DBH: variants seen among roughly 807,000 people sequenced by gnomAD.
DBH encodes the protein dopamine beta-hydroxylase.
Under a neutral mutation model 64.0 loss-of-function variants are expected in DBH, and 49 were observed. The observed-to-expected ratio is 0.77, with a 90% CI of 0.61 to 0.97. DBH has a LOEUF of 0.97. Ranked by LOEUF, DBH falls within the 50% of genes least tolerant of loss-of-function variation. The pLI is 0.00. For missense variants in DBH, 828 were observed against 826.6 expected (o/e 1.00, Z -0.02); for synonymous variants, 343 against 347.1 (o/e 0.99, Z 0.13).
chr9:133,644,150 T>G, intron 4 of DBH, 68 bp from the exon 5 acceptor site: 1 of 1,199,134 alleles, frequency 8.3e-7, no homozygotes. Flanking sequence ...GTTGACTGGG[T>G]TTGCCCCTGC....
chr9:133,656,520 C>T lies in DBH; in HGVS notation c.1435-3C>T, dbSNP rs1375291286. The T allele has an allele frequency of 3.1e-6, 5 of 1,613,686 alleles. No homozygotes were observed. Among genetic ancestry groups the T allele is most frequent in the Non-Finnish European group, 4.2e-6 (5 of 1,179,990 alleles). ...GGGCTGACGGGTCTCCTCCAACTTG[C>T]AGGGGGGCTTCGGGATCCTGGAGGA... On this transcript the variant is annotated splice_polypyrimidine_tract_variant and splice_region_variant and intron_variant, in intron 9 of 11. Transcript: ENST00000393056.
chr9:133,637,132 C>T (rs761281278), intron 1 of DBH, among the ~76,000 whole-genome samples: 17 of 152,314 alleles, frequency 1.1e-4, no homozygotes, highest in Non-Finnish European at 8.8e-5. Context: ...GGTGGTGGCG[C>T]GTGGCTGGGC....
intron 5 of DBH, among the ~76,000 whole-genome samples, chr9:133,644,545 C>T (rs531733101): frequency 6.6e-6 from 1 of 152,356 alleles, no homozygotes; most frequent in African/African-American, 2.4e-5. Context: ...TTCGCCAGGG[C>T]CCAGCAGTGG....
intron 1 of DBH, among the ~76,000 whole-genome samples, chr9:133,638,702 A>T (rs1359759326): frequency 6.6e-6 from 1 of 152,202 alleles, no homozygotes; most frequent in African/African-American, 2.4e-5. Context: ...ACACGTGTGA[A>T]TGTTGGAGGG....
intron 9 of DBH, 61 bp from the exon 10 acceptor site, chr9:133,656,462 T>A (rs1832320454): frequency 6.2e-7 from 1 of 1,611,658 alleles, no homozygotes; most frequent in African/African-American, 1.3e-5. Context: ...CGGCGAAAGC[T>A]GCTGGATGGC....
chr9:133,658,443 G>A lies in DBH; in HGVS notation c.1850G>A (p.Gly617Asp). ...PTVVSIGGGKG is the reference protein window; with the variant it reads ...PTVVSIGGGKD ...GTTGTCAGCATTGGTGGGGGCAAAG[G>A]CTGAGGGGGGACCTACTCCTCCCCC... Residue 617 changes from glycine to aspartate, a missense_variant, in exon 12 of 12, where the codon GGC becomes GAC. Coordinates refer to ENST00000393056, the MANE Select transcript of DBH (RefSeq NM_000787.4). 2 of 1,607,492 alleles carry A rather than the reference G, an allele frequency of 1.2e-6. No individual in the cohort carries two copies. The highest frequency in any genetic ancestry group is 1.7e-6 in the Non-Finnish European group (2 of 1,175,850).
intron 4 of DBH, 70 bp from the exon 5 acceptor site, chr9:133,644,148 G>A: frequency 8.6e-7 from 1 of 1,166,226 alleles, no homozygotes; most frequent in Non-Finnish European, 1.3e-6. Flanking sequence ...CAGTTGACTG[G>A]GTTTGCCCCT....
intron 5 of DBH, among the ~76,000 whole-genome samples, chr9:133,646,929 G>A (rs1255579782): frequency 6.6e-6 from 1 of 152,162 alleles, no homozygotes; most frequent in African/African-American, 2.4e-5. Context: ...AACAGGTGTG[G>A]CCACACCATA....
At chr9:133,654,129 T>TTTA (rs1162131142) in intron 9 of DBH, among the ~76,000 whole-genome samples, 76 of 152,256 alleles carry the variant, frequency 5.0e-4, no homozygotes, top group African/African-American at 1.8e-3. Context: ...TTTTATTTTT[T>TTTA]TTTGAGACGG....
intron 1 of DBH, among the ~76,000 whole-genome samples, chr9:133,638,117 A>AAG (rs1228345836): frequency 1.1e-4 from 17 of 152,350 alleles, no homozygotes; most frequent in African/African-American, 4.1e-4. Context: ...AAGCCAGGTG[A>AAG]CTTTGCCTTT....
At position 133,644,258 on chromosome 9, in the gene DBH, G is replaced by A. The variant is rs756772568; in HGVS notation, c.962G>A (p.Gly321Asp). ...GAGGAAGCCGGCCTTGCCTTCGGGG[G>A]TCCAGGGTCCTCCAGATATCTCCGC... ...YPEEAGLAFGGPGSSRYLRLE... is the reference protein window; with the variant it reads ...YPEEAGLAFGDPGSSRYLRLE... Residue 321 changes from glycine to aspartate, a missense_variant, in exon 5 of 12, where the codon GGT becomes GAT. Physicochemically the swap from Gly to Asp is moderately conservative, Grantham distance 94. Transcript: ENST00000393056. 8.7e-6 allele frequency: 14 copies of A among 1,614,084 alleles called. No homozygotes were observed. Among genetic ancestry groups the A allele is most frequent in the African/African-American group, 2.7e-5 (2 of 74,932 alleles).
At position 133,657,450 on chromosome 9, in the gene DBH, AGGAGAGAG is replaced by A. The variant is rs1412722916; in HGVS notation, c.1722+228_1722+235del. The A allele has an allele frequency of 9.3e-3, 848 of 91,558 alleles. 13 individuals carry two copies. The highest frequency in any genetic ancestry group is 0.088 in the African/African-American group (732 of 8,272). 5.7% of individuals were successfully genotyped at this position (91,558 alleles called of 1,614,324 possible). A position where few individuals can be genotyped will look rare whatever the true frequency, so the allele number is the denominator to read the frequency against. ...GAGAGAGAGGAGAGAGAGGAGAGAGAGGAGAGAGGGAGAGGGAGAGAGGGAGAGGGAGA... is the reference window on the plus strand; with the variant it reads ...GAGAGAGAGGAGAGAGAGGAGAGAGAGGAGAGGGAGAGAGGGAGAGGGAGA... On this transcript the variant is annotated intron_variant, in intron 11 of 11. Coordinates refer to ENST00000393056, the MANE Select transcript of DBH (RefSeq NM_000787.4).
chr9:133,650,794 T>G (rs1832239919), intron 6 of DBH, among the ~76,000 whole-genome samples: 1 of 152,174 alleles, frequency 6.6e-6, no homozygotes, highest in South Asian at 2.1e-4. Flanking sequence ...ATGATCCATG[T>G]GCCTCAGCCT....
intron 9 of DBH, 49 bp from the exon 10 acceptor site, chr9:133,656,474 G>A: frequency 6.2e-7 from 1 of 1,612,552 alleles, no homozygotes; most frequent in East Asian, 2.2e-5. Context: ...CTGGATGGCA[G>A]CGTCTGCGTG....
chr9:133,637,154 C>T (rs1251023417), intron 1 of DBH, among the ~76,000 whole-genome samples: 1 of 152,218 alleles, frequency 6.6e-6, no homozygotes, highest in Non-Finnish European at 1.5e-5. Context: ...CAGCATGAGG[C>T]CTGCACACCC....
At position 133,656,525 on chromosome 9, in the gene DBH, G is replaced by C. The variant is rs780698955; in HGVS notation, c.1437G>C (p.Gly479=). The C allele has an allele frequency of 6.2e-7, 1 of 1,613,750 alleles. No homozygotes were observed. The highest frequency in any genetic ancestry group is 1.3e-5 in the African/African-American group (1 of 74,902). Residue 479 remains glycine (G), a splice_region_variant and synonymous_variant, in exon 10 of 12, where the codon GGG becomes GGC. Coordinates refer to ENST00000393056, the MANE Select transcript of DBH (RefSeq NM_000787.4). Reference sequence around the variant, plus strand: ...GACGGGTCTCCTCCAACTTGCAGGGGGGCTTCGGGATCCTGGAGGAGATGT... The same window carrying C: ...GACGGGTCTCCTCCAACTTGCAGGGCGGCTTCGGGATCCTGGAGGAGATGT... ...NTEDRELATV[G]GFGILEEMCV...
chr9:133,657,285 C>T (rs1247551340), intron 11 of DBH, 56 bp downstream of exon 11: 3 of 1,606,016 alleles, frequency 1.9e-6, no homozygotes, highest in African/African-American at 2.7e-5. Flanking sequence ...CATGGGGGGC[C>T]CCAGTGAGGG....
intron 9 of DBH, among the ~76,000 whole-genome samples, chr9:133,654,148 T>C (rs1193292683): frequency 1.3e-5 from 2 of 150,418 alleles, no homozygotes; most frequent in African/African-American, 2.5e-5. Context: ...GGAGTCTCGC[T>C]CTGTCACCCA....
At chr9:133,651,299 C>T (rs542881801) in intron 6 of DBH, among the ~76,000 whole-genome samples, 16 of 152,376 alleles carry the variant, frequency 1.1e-4, no homozygotes, top group East Asian at 7.7e-4. Flanking sequence ...ACCCTGTCCA[C>T]GGGAGGCTCG....
Sources: allele counts gnomAD v4.1 joint callset (sites outside exome capture counted in the v4.1 genomes callset), GRCh38; gene constraint gnomAD v4.1.1; transcripts MANE v1.5; gene names NCBI Gene and HGNC (gene_info 2026-07-23, HGNC 2026-07-21).